ANKRD46: variants seen among roughly 807,000 people sequenced by gnomAD.
ANKRD46 encodes the protein ankyrin repeat domain-containing protein 46.
ANKRD46 carries 13 observed loss-of-function variants against 19.8 expected under a neutral mutation model. The observed-to-expected ratio is 0.66, with a 90% confidence interval of 0.43 to 1.04. The LOEUF is 1.04. ANKRD46 is among the 50% of genes least tolerant of loss of function. The pLI, the probability that ANKRD46 is intolerant of heterozygous loss-of-function variation, is 0.00. For missense variants in ANKRD46, 185 were observed against 274.8 expected, an observed-to-expected ratio of 0.67 and a Z score of 2.31; for synonymous variants, 91 against 106.9, an observed-to-expected ratio of 0.85 and a Z score of 0.92.
chr8:100,536,039 G>T lies in ANKRD46; in HGVS notation c.-130-2728C>A, dbSNP rs930275659. On this transcript the variant is annotated intron_variant, in intron 1 of 4. Coordinates refer to ENST00000335659, the MANE Select transcript of ANKRD46 (RefSeq NM_001270377.2). The surrounding 1 kb of genome is among the most constrained non-coding windows in gnomAD (Gnocchi z 4.9). ...TTGGAGTCATGTGTCTCGGTGTCAG[G>T]TTATTTATGGAAGAACCTGTAGGAC... Among the ~76,000 whole-genome samples, 1 of 151,932 alleles carries T rather than the reference G, an allele frequency of 6.6e-6. No individual in the cohort carries two copies. The highest frequency in any genetic ancestry group is 1.5e-5 in the Non-Finnish European group (1 of 68,010).
intron 1 of ANKRD46, among the ~76,000 whole-genome samples, chr8:100,541,987 G>A (rs1812183956): frequency 6.6e-6 from 1 of 152,132 alleles, no homozygotes; most frequent in African/African-American, 2.4e-5. Flanking sequence ...CTAGGTTTGG[G>A]TAGTAAGTAC....
At chr8:100,522,896 C>CAT in intron 4 of ANKRD46, 125 bp from the exon 5 acceptor site, 1 of 568,608 alleles carries the variant, frequency 1.8e-6, no homozygotes, top group Non-Finnish European at 3.0e-6. Flanking sequence ...CACACACACA[C>CAT]ACACACACAT....
At chr8:100,553,551 C>T (rs1487425579) in intron 1 of ANKRD46, among the ~76,000 whole-genome samples, 1 of 152,114 alleles carries the variant, frequency 6.6e-6, no homozygotes, top group African/African-American at 2.4e-5. Context: ...GAGTTTGAGA[C>T]CAGCCTGGCC....
chr8:100,553,808 A>G (rs920508232), intron 1 of ANKRD46, among the ~76,000 whole-genome samples: 1 of 152,228 alleles, frequency 6.6e-6, no homozygotes, highest in Non-Finnish European at 1.5e-5. Flanking sequence ...ATCATAATGT[A>G]ATAAAAGAAA....
chr8:100,523,945 A>T (rs374413152), intron 4 of ANKRD46, among the ~76,000 whole-genome samples: 9 of 152,202 alleles, frequency 5.9e-5, no homozygotes, highest in African/African-American at 1.9e-4. Context: ...CAGCTGGCCT[A>T]GTCATTAGGA....
At chr8:100,535,877 G>C (rs1812055556) in intron 1 of ANKRD46, among the ~76,000 whole-genome samples, 1 of 152,208 alleles carries the variant, frequency 6.6e-6, no homozygotes, top group African/African-American at 2.4e-5. Context: ...GTATGTGACT[G>C]TAAATCTTCA....
At chr8:100,541,640 T>C (rs1195542679) in intron 1 of ANKRD46, among the ~76,000 whole-genome samples, 1 of 152,192 alleles carries the variant, frequency 6.6e-6, no homozygotes, top group Non-Finnish European at 1.5e-5. Flanking sequence ...ATTTTACAAA[T>C]AAGGACACTG....
In ANKRD46 at chr8:100,524,015, G is replaced by C. The variant is rs978174050; in HGVS notation, c.471-1244C>G. On this transcript the variant is annotated intron_variant, in intron 4 of 4. Transcript: ENST00000335659. The surrounding 1 kb of genome is among the most constrained non-coding windows in gnomAD (Gnocchi z 4.3). ...TATCTTGTACAGTAAGACAGAATAT[G>C]TTCATTTCTCTTCTGCATAAAGGCT... is the stretch of plus-strand genomic sequence containing the variant. Among the ~76,000 whole-genome samples the C allele has an allele frequency of 1.3e-5, 2 of 152,174 alleles. No individual in the cohort carries two copies. Among genetic ancestry groups the C allele is most frequent in the Non-Finnish European group, 2.9e-5 (2 of 68,026 alleles).
chr8:100,541,404 TAGA>T lies in ANKRD46; in HGVS notation c.-130-8096_-130-8094del, dbSNP rs1232701704. On this transcript the variant is annotated intron_variant, in intron 1 of 4. Transcript: ENST00000335659. ...GTTTGAAGGTATGAGATTGTATCCT[TAGA>T]AGAAGCTTAACTGTAGTAGTCACGT... 2.6e-5 allele frequency among the ~76,000 whole-genome samples: 4 copies of T among 152,284 alleles called. No homozygotes were observed. In the East Asian group the frequency reaches 7.7e-4, roughly 29 times the overall value.
intron 1 of ANKRD46, among the ~76,000 whole-genome samples, chr8:100,535,302 G>A (rs1170629633): frequency 1.3e-5 from 2 of 152,070 alleles, no homozygotes; most frequent in South Asian, 2.1e-4. Context: ...TTGTCCAATG[G>A]GTGAAGAGGA....
intron 1 of ANKRD46, among the ~76,000 whole-genome samples, chr8:100,538,322 G>A (rs1336093841): frequency 6.6e-6 from 1 of 151,924 alleles, no homozygotes; most frequent in Non-Finnish European, 1.5e-5. Flanking sequence ...AAATATTTGG[G>A]GAAAAAAATT....
chr8:100,513,424 G>A (rs1563922631), intron 5 of ANKRD46, among the ~76,000 whole-genome samples: 1 of 152,150 alleles, frequency 6.6e-6, no homozygotes, highest in Non-Finnish European at 1.5e-5. Context: ...AAATAATACA[G>A]TTATTATTTG....
downstream of ANKRD46, among the ~76,000 whole-genome samples, chr8:100,517,412 G>A (rs1811651529): frequency 6.6e-6 from 1 of 152,216 alleles, no homozygotes; most frequent in Non-Finnish European, 1.5e-5. Context: ...AGTTTGATTG[G>A]ACAGTGCTGC....
chr8:100,540,760 C>G (rs1214656028), intron 1 of ANKRD46, among the ~76,000 whole-genome samples: 1 of 152,106 alleles, frequency 6.6e-6, no homozygotes, highest in Non-Finnish European at 1.5e-5. Context: ...AAAAGGAATG[C>G]TGGTTATTTT....
At chr8:100,523,542 A>G (rs562904891) in intron 4 of ANKRD46, among the ~76,000 whole-genome samples, 14 of 152,310 alleles carry the variant, frequency 9.2e-5, no homozygotes, top group Non-Finnish European at 1.9e-4. Flanking sequence ...ATTTAGTTCA[A>G]TAATCTGACC....
chr8:100,555,722 TAAAAAAAAAAAAAAAAAAAAAA>T lies in ANKRD46; in HGVS notation c.-131+3967_-131+3988del, dbSNP rs59521764. Among the ~76,000 whole-genome samples, 386 of 53,318 alleles carry T rather than the reference TAAAAAAAAAAAAAAAAAAAAAA, an allele frequency of 7.2e-3. 7 individuals carry two copies. The Admixed American group carries it at 0.08, about 11-fold the overall frequency. The allele number at this position is 53,318 out of a possible 152,430, so 35.0% of individuals were successfully genotyped here. A position where few individuals can be genotyped will look rare whatever the true frequency, so the allele number is the denominator to read the frequency against. On this transcript the variant is annotated intron_variant, in intron 1 of 4. Coordinates refer to ENST00000335659, the MANE Select transcript of ANKRD46 (RefSeq NM_001270377.2). ...GCACCAACTTAATATTTTCCTCAGC[TAAAAAAAAAAAAAAAAAAAAAA>T]AAAAAAAAAAAAAAAAAAGATTTCC...
rs1293563792 is a variant in ANKRD46 at position 100,550,012 on chromosome 8, C to T, written c.-131+9699G>A. Among the ~76,000 whole-genome samples, 1 of 152,142 alleles carries T rather than the reference C, an allele frequency of 6.6e-6. No homozygotes were observed. The highest frequency in any genetic ancestry group is 1.5e-5 in the Non-Finnish European group (1 of 68,028). ...ATCTTCTCATGGCTTCATAGTTTCTCTTTAGGACTGCATAATATGTCATTC... is the reference window on the plus strand; with the variant it reads ...ATCTTCTCATGGCTTCATAGTTTCTTTTTAGGACTGCATAATATGTCATTC... On this transcript the variant is annotated intron_variant, in intron 1 of 4. Coordinates refer to ENST00000335659, the MANE Select transcript of ANKRD46 (RefSeq NM_001270377.2). This position sits in a 1 kb window ranked among gnomAD's most constrained non-coding sequence, Gnocchi z 4.4.
In ANKRD46 at chr8:100,521,279, C is replaced by A. The variant is rs545489341; in HGVS notation, c.*1276G>T. On this transcript the variant is annotated 3_prime_UTR_variant, in exon 5 of 5. Transcript: ENST00000335659. Reference sequence around the variant, plus strand: ...CTAGCAGCAATTCAATTAGCAATAGCTTAGGTGCCTTTATTCCAAAAAACA... The same window carrying A: ...CTAGCAGCAATTCAATTAGCAATAGATTAGGTGCCTTTATTCCAAAAAACA... 2 of 985,274 alleles carry A rather than the reference C, an allele frequency of 2.0e-6. No homozygotes were observed. The highest frequency in any genetic ancestry group is 2.3e-4 in the East Asian group (2 of 8,822). 61.0% of individuals were successfully genotyped at this position (985,274 alleles called of 1,614,324 possible).
Position 100,546,560 on chromosome 8 carries a change from G to A in ANKRD46, c.-131+13151C>T, listed in dbSNP as rs1812276916. Among the ~76,000 whole-genome samples, 1 of 152,256 alleles carries A rather than the reference G, an allele frequency of 6.6e-6. No individual in the cohort carries two copies. Among genetic ancestry groups the A allele is most frequent in the Non-Finnish European group, 1.5e-5 (1 of 68,044 alleles). On this transcript the variant is annotated intron_variant, in intron 1 of 4. Coordinates refer to ENST00000335659, the MANE Select transcript of ANKRD46 (RefSeq NM_001270377.2). The surrounding 1 kb of genome is among the most constrained non-coding windows in gnomAD (Gnocchi z 4.0). ...GATGTCCAGACAGAAGTCTGCTACA[G>A]GGGCAGAGCCCTTATGGAGAACCTC...
Sources: gnomAD v4.1 joint callset for allele counts (sites outside exome capture counted in the v4.1 genomes callset) on GRCh38, gnomAD v4.1.1 for gene constraint, Gnocchi (gnomAD v3.1) non-coding constraint, MANE v1.5 for transcripts, NCBI Gene and HGNC (gene_info 2026-07-23, HGNC 2026-07-21) for gene names.